ZNF287: variants seen among roughly 807,000 people sequenced by gnomAD.
The protein encoded by ZNF287 is zinc finger protein with KRAB and SCAN domains 13.
A neutral mutation model predicts 73.7 loss-of-function variants in ZNF287; 31 were observed. That is an observed-to-expected ratio of 0.42 (90% CI 0.32 to 0.57). The LOEUF (loss-of-function observed/expected upper bound fraction) is 0.57, where lower values mean the gene tolerates loss of function less well. Among genes scored for constraint, ZNF287 ranks in the 20% least tolerant of loss-of-function variants. The probability of loss-of-function intolerance (pLI) is 0.13; values close to 1 mark genes in which losing one functional copy is unlikely to be tolerated. For synonymous variants in ZNF287, 301 were observed against 307.2 expected, an observed-to-expected ratio of 0.98 and a Z score of 0.21; for missense variants, 641 against 909.3, an observed-to-expected ratio of 0.70 and a Z score of 3.79.
At chr17:16,564,806 C>G (rs987799760) in intron 3 of ZNF287, among the ~76,000 whole-genome samples, 2 of 151,864 alleles carry the variant, frequency 1.3e-5, no homozygotes, top group Non-Finnish European at 2.9e-5. Context: ...GAGAAAGAGT[C>G]TTGCTCTGTC....
intron 5 of ZNF287, among the ~76,000 whole-genome samples, chr17:16,556,611 C>A (rs564033754): frequency 5.3e-5 from 8 of 152,110 alleles, no homozygotes; most frequent in African/African-American, 1.4e-4. Context: ...CTTTCTCAAG[C>A]TAGGATTTGT....
chr17:16,553,442 T>C lies in ZNF287; in HGVS notation c.716-16A>G. ...GTTTCCCATTCTGAAATAAAAAATA[T>C]ATTAAAAAATCTTCATTTATTTGGA... On this transcript the variant is annotated splice_polypyrimidine_tract_variant and intron_variant, in intron 5 of 5. Transcript: ENST00000395825. The C allele has an allele frequency of 6.9e-7, 1 of 1,454,092 alleles. No homozygotes were observed. The highest frequency in any genetic ancestry group is 9.1e-7 in the Non-Finnish European group (1 of 1,100,464). The allele number at this position is 1,454,092 out of a possible 1,614,324, so 90.1% of individuals were successfully genotyped here.
chr17:16,560,732 G>A (rs1241599365), intron 5 of ZNF287, among the ~76,000 whole-genome samples: 1 of 151,948 alleles, frequency 6.6e-6, no homozygotes, highest in Non-Finnish European at 1.5e-5. Flanking sequence ...GGCTGGGCGT[G>A]GTGGCTCACA....
chr17:16,552,778 T>C lies in ZNF287; in HGVS notation c.1364A>G (p.Asp455Gly), dbSNP rs1401053677. ...CTGACTGAAGTCTTTCCCACAGTCA[T>C]CACACTTATAGGGTTTCTCTCCAGT... ...IHTGEKPYKCDDCGKDFSQRA... is the reference protein window; with the variant it reads ...IHTGEKPYKCGDCGKDFSQRA... The change falls in exon 6 of 6, where the codon GAT (aspartate) becomes GGT (glycine). Residue 455 changes from aspartate to glycine, a missense_variant. Around this residue, in one of 2 missense-constraint regions of ZNF287, gnomAD observed 284 missense variants for 466.8 expected, o/e 0.61. Coordinates refer to ENST00000395825, the MANE Select transcript of ZNF287 (RefSeq NM_020653.4). The surrounding 1 kb of genome is among the most constrained non-coding windows in gnomAD (Gnocchi z 6.5). 1 of 1,613,866 alleles carries C rather than the reference T, an allele frequency of 6.2e-7. No individual in the cohort carries two copies. The highest frequency in any genetic ancestry group is 8.5e-7 in the Non-Finnish European group (1 of 1,179,968).
At chr17:16,564,132 C>T (rs545639820) in intron 3 of ZNF287, among the ~76,000 whole-genome samples, 16 of 152,272 alleles carry the variant, frequency 1.1e-4, no homozygotes, top group Non-Finnish European at 1.6e-4. Context: ...GACAGAGTCT[C>T]GCTCTGTTGC....
At chr17:16,564,870 C>T (rs1907656615) in intron 3 of ZNF287, among the ~76,000 whole-genome samples, 1 of 151,856 alleles carries the variant, frequency 6.6e-6, no homozygotes, top group Non-Finnish European at 1.5e-5. Context: ...AGGTGCACGC[C>T]ACCATGCCCA....
In ZNF287 at chr17:16,563,126, A is replaced by T. The variant is rs1454962191; in HGVS notation, c.715+20T>A. 4.5e-6 allele frequency: 7 copies of T among 1,549,164 alleles called. No homozygotes were observed. The highest frequency in any genetic ancestry group is 5.3e-6 in the Non-Finnish European group (6 of 1,127,798). On this transcript the variant is annotated intron_variant, in intron 5 of 5. Transcript: ENST00000395825. ...TAGATTCTTAAATACAAAGAAGCTC[A>T]TGCGCTTTTTGTTTCTCACCTGGAC...
At position 16,548,927 on chromosome 17, in the gene ZNF287, G is replaced by T. The variant is rs2142444307; in HGVS notation, c.*2929C>A. 6.6e-6 allele frequency among the ~76,000 whole-genome samples: 1 copy of T among 152,056 alleles called. No homozygotes were observed. Among genetic ancestry groups the T allele is most frequent in the Middle Eastern group, 3.4e-3 (1 of 294 alleles). ...ACAGACTAAGTCTTCAGATATTAGGGAATTACTATTTGTTTTTTTTTTAAA... is the reference window on the plus strand; with the variant it reads ...ACAGACTAAGTCTTCAGATATTAGGTAATTACTATTTGTTTTTTTTTTAAA... On this transcript the variant is annotated 3_prime_UTR_variant, in exon 6 of 6. Transcript: ENST00000395825.
intron 3 of ZNF287, among the ~76,000 whole-genome samples, chr17:16,565,162 C>T (rs1015268479): frequency 1.3e-5 from 2 of 151,748 alleles, no homozygotes; most frequent in Admixed American, 6.6e-5. Flanking sequence ...TTAAGACCAG[C>T]CTGGGCACAT....
chr17:16,567,747 A>G lies in ZNF287; in HGVS notation c.-16T>C. ...AGGCTAACATTGCTACAGACAGGAG[A>G]GTCAATCTGGCAATATCCTTTATTT... On this transcript the variant is annotated 5_prime_UTR_variant, in exon 2 of 6. Coordinates refer to ENST00000395825, the MANE Select transcript of ZNF287 (RefSeq NM_020653.4). 2.5e-6 allele frequency: 4 copies of G among 1,591,132 alleles called. No homozygotes were observed. Among genetic ancestry groups the G allele is most frequent in the Non-Finnish European group, 2.6e-6 (3 of 1,168,636 alleles).
In ZNF287 at chr17:16,556,165, G is replaced by GACACACACAC. The variant is rs137989045; in HGVS notation, c.716-2749_716-2740dup. On this transcript the variant is annotated intron_variant, in intron 5 of 5. Coordinates refer to ENST00000395825, the MANE Select transcript of ZNF287 (RefSeq NM_020653.4). ...GCTATTTGTGTTACAGACAGACACA[G>GACACACACAC]ACACACACACACACACACACACACA... Among the ~76,000 whole-genome samples, 239 of 144,310 alleles carry GACACACACAC rather than the reference G, an allele frequency of 1.7e-3. 1 individual carries two copies. The highest frequency in any genetic ancestry group is 5.4e-3 in the African/African-American group (216 of 39,750). 94.7% of individuals were successfully genotyped at this position (144,310 alleles called of 152,430 possible).
rs1190318002 is a variant in ZNF287, at chr17:16,551,220, A to G, written c.*636T>C. Among the ~76,000 whole-genome samples the G allele has an allele frequency of 1.3e-5, 2 of 152,168 alleles. No homozygotes were observed. The highest frequency in any genetic ancestry group is 4.8e-5 in the African/African-American group (2 of 41,436). ...TTTAAGGCTTCAAAGCTGGGAATAA[A>G]AGGCCTGAAAGCAGCTTACTCTTTT... On this transcript the variant is annotated 3_prime_UTR_variant, in exon 6 of 6. Coordinates refer to ENST00000395825, the MANE Select transcript of ZNF287 (RefSeq NM_020653.4).
In ZNF287 at chr17:16,552,421, G is replaced by C; in HGVS notation, c.1721C>G (p.Ala574Gly). The C allele has an allele frequency of 6.2e-7, 1 of 1,613,948 alleles. No homozygotes were observed. The highest frequency in any genetic ancestry group is 8.5e-7 in the Non-Finnish European group (1 of 1,179,934). The change falls in exon 6 of 6, where the codon GCT (alanine) becomes GGT (glycine). Residue 574 changes from alanine to glycine, a missense_variant. By Grantham distance (60) the Ala-to-Gly change is moderately conservative. This residue lies in a region of ZNF287 where 284 missense variants were observed against 466.8 expected (regional missense o/e 0.61). Transcript: ENST00000395825. This position sits in a 1 kb window ranked among gnomAD's most constrained non-coding sequence, Gnocchi z 6.5. ...ATGTTGAATAAGGGTTGAGGAATGA[G>C]CAAAGGCTTTTCCACATTCATTACA... ...YKCNECGKAFAHSSTLIQHQT... is the reference protein window; with the variant it reads ...YKCNECGKAFGHSSTLIQHQT...
Position 16,551,248 on chromosome 17 carries a change from G to C in ZNF287, c.*608C>G, listed in dbSNP as rs1292246165. The C allele has an allele frequency of 1.3e-5, 2 of 152,170 alleles. No individual in the cohort carries two copies. Among genetic ancestry groups the C allele is most frequent in the African/African-American group, 4.8e-5 (2 of 41,442 alleles). 9.4% of individuals were successfully genotyped at this position (152,170 alleles called of 1,614,324 possible). A position where few individuals can be genotyped will look rare whatever the true frequency, so the allele number is the denominator to read the frequency against. On this transcript the variant is annotated 3_prime_UTR_variant, in exon 6 of 6. Coordinates refer to ENST00000395825, the MANE Select transcript of ZNF287 (RefSeq NM_020653.4). Reference sequence around the variant, plus strand: ...GCCTGAAAGCAGCTTACTCTTTTCTGTAATTTTAAGATCACTCTCTAGTGT... The same window carrying C: ...GCCTGAAAGCAGCTTACTCTTTTCTCTAATTTTAAGATCACTCTCTAGTGT...
Position 16,552,897 on chromosome 17 carries a change from C to T in ZNF287, c.1245G>A (p.Gln415=), listed in dbSNP as rs773324313. The change falls in exon 6 of 6, where the codon CAG becomes CAA. Residue 415 remains glutamine (Q), a synonymous_variant. Transcript: ENST00000395825. This position sits in a 1 kb window ranked among gnomAD's most constrained non-coding sequence, Gnocchi z 6.5. ...FRHISSLIAH[Q]RMHTGEKPYE... ...ATGGTTTTTCTCCAGTGTGCATTCTCTGATGTGCAATAAGGGATGAGATAT... is the reference window on the plus strand; with the variant it reads ...ATGGTTTTTCTCCAGTGTGCATTCTTTGATGTGCAATAAGGGATGAGATAT... 1 of 1,614,156 alleles carries T rather than the reference C, an allele frequency of 6.2e-7. No homozygotes were observed. Among genetic ancestry groups the T allele is most frequent in the Non-Finnish European group, 8.5e-7 (1 of 1,180,028 alleles).
chr17:16,553,335 T>C lies in ZNF287; in HGVS notation c.807A>G (p.Ser269=). 1 of 1,612,810 alleles carries C rather than the reference T, an allele frequency of 6.2e-7. No individual in the cohort carries two copies. The highest frequency in any genetic ancestry group is 8.5e-7 in the Non-Finnish European group (1 of 1,179,066). The part of the protein sequence containing the change: ...EETHTIKLED[S]YDYDDRLERR... ...TCTCTAGTCTATCATCGTAGTCATA[T>C]GAGTCTTCTAATTTGATGGTATGGG... Residue 269 remains serine, a synonymous_variant, in exon 6 of 6, where the codon TCA becomes TCG. Transcript: ENST00000395825.
chr17:16,563,579 G>T, intron 4 of ZNF287, 120 bp downstream of exon 4: 1 of 1,178,612 alleles, frequency 8.5e-7, no homozygotes, highest in Non-Finnish European at 1.2e-6. Context: ...AGTCACTTTC[G>T]TGCTTGAATG....
rs948088230 is a variant in ZNF287 at position 16,549,843 on chromosome 17, G to A, written c.*2013C>T. ...AAACCTGATTCACGATTTTTAAGCA[G>A]TTCCCAAGTAAATGTTATTTGTTGA... is the stretch of plus-strand genomic sequence containing the variant. On this transcript the variant is annotated 3_prime_UTR_variant, in exon 6 of 6. Transcript: ENST00000395825. 6.6e-6 allele frequency among the ~76,000 whole-genome samples: 1 copy of A among 152,124 alleles called. No homozygotes were observed. The highest frequency in any genetic ancestry group is 6.5e-5 in the Admixed American group (1 of 15,278).
At chr17:16,557,663 C>G (rs1344544580) in intron 5 of ZNF287, among the ~76,000 whole-genome samples, 1 of 152,016 alleles carries the variant, frequency 6.6e-6, no homozygotes, top group Non-Finnish European at 1.5e-5. Context: ...AGTTGACTGC[C>G]TGAGACAGCT....
Sources: gnomAD v4.1 joint callset for allele counts (sites outside exome capture counted in the v4.1 genomes callset) on GRCh38, gnomAD v4.1.1 for gene constraint, gnomAD v4.1.1 regional missense constraint, Gnocchi (gnomAD v3.1) non-coding constraint, MANE v1.5 for transcripts, NCBI Gene and HGNC (gene_info 2026-07-23, HGNC 2026-07-21) for gene names.